Variants in ASPG observed in about 807,000 individuals in gnomAD.
ASPG encodes the protein asparaginase, also known as 60 kDa lysophospholipase.
In ASPG, 53 loss-of-function variants were observed where a neutral mutation model predicts 63.2. The observed-to-expected ratio is 0.84, with a 90% CI of 0.67 to 1.05. The LOEUF is 1.05. ASPG is among the 50% of genes least tolerant of loss of function. The pLI is 0.00. For missense variants in ASPG, 741 were observed against 794.4 expected (o/e 0.93, Z 0.81); for synonymous variants, 370 against 355.0 (o/e 1.04, Z -0.48).
rs1467480914 is a variant in ASPG at position 104,110,977 on chromosome 14, G to A, written c.1521-525G>A. ...AGTCTGCCGGGGTCCAGGGCCAACC[G>A]TTATCCTGGGTTGCCTCCTGTGTCC... On this transcript the variant is annotated intron_variant, in intron 13 of 15. Transcript: ENST00000551177. The surrounding 1 kb of genome is among the most constrained non-coding windows in gnomAD (Gnocchi z 4.7). 1.1e-5 allele frequency: 11 copies of A among 985,292 alleles called. No homozygotes were observed. The highest frequency in any genetic ancestry group is 1.2e-5 in the Non-Finnish European group (10 of 829,932). The allele number at this position is 985,292 out of a possible 1,614,324, so 61.0% of individuals were successfully genotyped here. A position where few individuals can be genotyped will look rare whatever the true frequency, so the allele number is the denominator to read the frequency against.
intron 3 of ASPG, among the ~76,000 whole-genome samples, chr14:104,095,134 G>A (rs759080046): frequency 1.3e-5 from 2 of 152,216 alleles, no homozygotes; most frequent in African/African-American, 2.4e-5. Context: ...CCCTGCAGGC[G>A]TCCTTGTGCC....
At position 104,089,040 on chromosome 14, in the gene ASPG, A is replaced by G. The variant is rs986305474; in HGVS notation, c.82+3188A>G. On this transcript the variant is annotated intron_variant, in intron 1 of 15. Transcript: ENST00000551177. ...TTTTTTATTTATTTTTATTTTTTTG[A>G]GATGGAGTCTCACTCTGTCGCCCAG... 3.0e-4 allele frequency among the ~76,000 whole-genome samples: 45 copies of G among 152,010 alleles called. 1 individual carries two copies. Among genetic ancestry groups the G allele is most frequent in the Middle Eastern group, 6.8e-3 (2 of 294 alleles).
chr14:104,099,443 G>A (rs1235647067), intron 6 of ASPG, among the ~76,000 whole-genome samples: 1 of 152,176 alleles, frequency 6.6e-6, no homozygotes, highest in African/African-American at 2.4e-5. Flanking sequence ...CTTCCCCCTG[G>A]GGGGGCCAAG....
chr14:104,112,397 AT>A, intron 15 of ASPG, 126 bp from the exon 16 acceptor site: 1 of 709,326 alleles, frequency 1.4e-6, no homozygotes, highest in Admixed American at 2.0e-5. Context: ...TGGCCCTCCC[AT>A]AGTCTCAAGC....
At chr14:104,103,700 C>T (rs1482639652) in intron 7 of ASPG, 25 bp downstream of exon 7, 7 of 1,534,938 alleles carry the variant, frequency 4.6e-6, no homozygotes, top group Non-Finnish European at 3.5e-6. Flanking sequence ...GGCCATCCTG[C>T]CCCTGCAGCC....
chr14:104,111,741 G>T lies in ASPG; in HGVS notation c.1620+140G>T, dbSNP rs190787944. The T allele has an allele frequency of 5.6e-6, 5 of 887,050 alleles. No homozygotes were observed. The Admixed American group carries it at 7.3e-5, about 13-fold the overall frequency. 54.9% of individuals were successfully genotyped at this position (887,050 alleles called of 1,614,324 possible). A position where few individuals can be genotyped will look rare whatever the true frequency, so the allele number is the denominator to read the frequency against. On this transcript the variant is annotated intron_variant, in intron 14 of 15. Transcript: ENST00000551177. ...GCCTGGCCCTCCCCATGCAGGACCC[G>T]CACAGACTGGGTCCCCTTCCCGGGG...
chr14:104,109,464 C>A lies in ASPG; in HGVS notation c.1520+149C>A. 1.2e-6 allele frequency: 1 copy of A among 854,254 alleles called. No individual in the cohort carries two copies. The allele number at this position is 854,254 out of a possible 1,614,324, so 52.9% of individuals were successfully genotyped here. ...CTGACCTCAGTGTGCACCAACCTGG[C>A]TGATGGGAAGAGGTGTCTACCCTGG... On this transcript the variant is annotated intron_variant, in intron 13 of 15. Coordinates refer to ENST00000551177, the MANE Select transcript of ASPG (RefSeq NM_001080464.3). The surrounding 1 kb of genome is among the most constrained non-coding windows in gnomAD (Gnocchi z 4.8).
chr14:104,104,534 G>A (rs546901062), intron 8 of ASPG, 48 bp downstream of exon 8: 3 of 1,596,672 alleles, frequency 1.9e-6, no homozygotes, highest in African/African-American at 2.7e-5. Context: ...CAGCCTGAGG[G>A]CCTGGCAGAG....
intron 9 of ASPG, 177 bp from the exon 10 acceptor site, chr14:104,105,151 T>G (rs2037065300): frequency 1.1e-6 from 1 of 932,054 alleles, no homozygotes; most frequent in Non-Finnish European, 1.6e-6. Flanking sequence ...GGCCAGGGAG[T>G]GGGGCTGGCC....
At position 104,112,568 on chromosome 14, in the gene ASPG, T is replaced by TCTAACCTG. The variant is rs747036981; in HGVS notation, c.*24_*25insCTAACCTG. The TCTAACCTG allele has an allele frequency of 6.2e-7, 1 of 1,609,582 alleles. No individual in the cohort carries two copies. Among genetic ancestry groups the TCTAACCTG allele is most frequent in the Non-Finnish European group, 8.5e-7 (1 of 1,178,516 alleles). On this transcript the variant is annotated 3_prime_UTR_variant, in exon 16 of 16. Coordinates refer to ENST00000551177, the MANE Select transcript of ASPG (RefSeq NM_001080464.3). ...AACCTGAAGGCGTCCTGCTGCAGTATAAGCCATTCCTTCCTCCCATGACCT... is the reference window on the plus strand; with the variant it reads ...AACCTGAAGGCGTCCTGCTGCAGTATCTAACCTGAAGCCATTCCTTCCTCCCATGACCT...
chr14:104,086,207 C>T (rs1437523268), intron 1 of ASPG, among the ~76,000 whole-genome samples: 2 of 152,206 alleles, frequency 1.3e-5, no homozygotes, highest in Non-Finnish European at 2.9e-5. Context: ...CTGCTCTGGA[C>T]ACAGAAGGCT....
rs1200643116 is a variant in ASPG at position 104,093,562 on chromosome 14, T to C, written c.263T>C (p.Met88Thr). The stretch of plus-strand genomic sequence containing the variant: ...CAGCCCCTCTTCGACTCCAGTGACA[T>C]GACCATCGCTGAGTGGGTTTGCCTT... ...ECQPLFDSSDMTIAEWVCLAQ... is the reference protein window; with the variant it reads ...ECQPLFDSSDTTIAEWVCLAQ... Residue 88 changes from methionine to threonine, a missense_variant, in exon 3 of 16, where the codon ATG becomes ACG. Physicochemically the swap from Met to Thr is moderately conservative, Grantham distance 81. Coordinates refer to ENST00000551177, the MANE Select transcript of ASPG (RefSeq NM_001080464.3). 1 of 1,612,214 alleles carries C rather than the reference T, an allele frequency of 6.2e-7. No individual in the cohort carries two copies. The highest frequency in any genetic ancestry group is 1.3e-5 in the African/African-American group (1 of 74,838).
At chr14:104,099,773 C>T (rs1037572783) in intron 6 of ASPG, among the ~76,000 whole-genome samples, 1 of 152,218 alleles carries the variant, frequency 6.6e-6, no homozygotes, top group Non-Finnish European at 1.5e-5. Context: ...CCTGCTGTTT[C>T]AAGGCAGCCC....
intron 4 of ASPG, among the ~76,000 whole-genome samples, chr14:104,097,058 A>AC (rs1566829152): frequency 7.2e-6 from 1 of 138,752 alleles, no homozygotes; most frequent in South Asian, 2.4e-4. Context: ...CCCACCCCTC[A>AC]CCCCCACCAC....
chr14:104,099,815 T>C (rs2036792313), intron 6 of ASPG, among the ~76,000 whole-genome samples: 1 of 152,182 alleles, frequency 6.6e-6, no homozygotes, highest in Non-Finnish European at 1.5e-5. Flanking sequence ...CCTGACTGAC[T>C]GAGGTGGGGT....
At chr14:104,103,118 G>A (rs891833200) in intron 6 of ASPG, among the ~76,000 whole-genome samples, 13 of 152,382 alleles carry the variant, frequency 8.5e-5, no homozygotes, top group Admixed American at 7.2e-4. Context: ...GTAACCCAGC[G>A]CAGTGACTGC....
At chr14:104,107,029 T>C in intron 11 of ASPG, 135 bp downstream of exon 11, 1 of 1,303,972 alleles carries the variant, frequency 7.7e-7, no homozygotes, top group Non-Finnish European at 1.0e-6. Flanking sequence ...GCAGCAGGAC[T>C]GTCCTGCCAG....
chr14:104,104,481 G>A lies in ASPG; in HGVS notation c.931G>A (p.Gly311Ser). 1 of 1,611,842 alleles carries A rather than the reference G, an allele frequency of 6.2e-7. No homozygotes were observed. The highest frequency in any genetic ancestry group is 8.5e-7 in the Non-Finnish European group (1 of 1,179,256). The change falls in exon 8 of 16, where the codon GGC becomes AGC. Residue 311 changes from glycine (G) to serine (S), a missense_variant. Transcript: ENST00000551177. ...GGCTGTGACCACAGACTATGCAGCT[G>A]GCATGGTAGTGCCGGGAGATCAGGG... The part of the protein sequence containing the change: ...QGAVTTDYAA[G>S]MAMAGAGVIS...
chr14:104,094,583 C>T (rs1309024631), intron 3 of ASPG, among the ~76,000 whole-genome samples: 2 of 152,186 alleles, frequency 1.3e-5, no homozygotes, highest in East Asian at 3.9e-4. Flanking sequence ...CCCTTACGAA[C>T]CCCCTGCTCC....
Sources: allele counts gnomAD v4.1 joint callset (sites outside exome capture counted in the v4.1 genomes callset), GRCh38; gene constraint gnomAD v4.1.1; non-coding constraint Gnocchi (gnomAD v3.1); transcripts MANE v1.5; gene names NCBI Gene and HGNC (gene_info 2026-07-23, HGNC 2026-07-21).